RXRA: variants seen among roughly 807,000 people sequenced by gnomAD.
The protein encoded by RXRA is retinoic acid receptor RXR-alpha.
In RXRA, 5 loss-of-function variants were observed where a neutral mutation model predicts 44.5. The ratio of observed to expected loss-of-function variants is 0.11; its 90% confidence interval spans 0.06 to 0.24. The LOEUF (loss-of-function observed/expected upper bound fraction) is 0.24, where lower values mean the gene tolerates loss of function less well. Ranked by LOEUF, RXRA falls within the 10% of genes least tolerant of loss-of-function variation. The pLI is 1.00. For missense variants in RXRA, 412 were observed against 646.5 expected (o/e 0.64, Z 3.93); for synonymous variants, 291 against 271.4 (o/e 1.07, Z -0.71).
chr9:134,375,936 C>T (rs1246551895), intron 1 of RXRA, among the ~76,000 whole-genome samples: 26 of 138,216 alleles, frequency 1.9e-4, no homozygotes, highest in Admixed American at 1.0e-3. Context: ...GCCGGCCGCC[C>T]TCCCTCCCTC....
rs971363596 is a variant in RXRA at position 134,409,184 on chromosome 9, G to C, written c.610+65G>C. 13 of 1,432,236 alleles carry C rather than the reference G, an allele frequency of 9.1e-6. No homozygotes were observed. The Admixed American group carries it at 9.4e-5, about 10-fold the overall frequency. 88.7% of individuals were successfully genotyped at this position (1,432,236 alleles called of 1,614,324 possible). ...GACAAACAGTGGGGCCCGGGCTTGTGCGTGGACACCCGAGATGGACAACAG... is the reference window on the plus strand; with the variant it reads ...GACAAACAGTGGGGCCCGGGCTTGTCCGTGGACACCCGAGATGGACAACAG... On this transcript the variant is annotated intron_variant, in intron 4 of 9. Coordinates refer to ENST00000481739, the MANE Select transcript of RXRA (RefSeq NM_002957.6).
In RXRA at chr9:134,401,413, G is replaced by C. The variant is rs1359697519; in HGVS notation, c.29-219G>C. ...TGCCGCAGGCCCAGCCTAAAGCCGG[G>C]GTCAGGCGCAGAACAGTACCTTGGA... On this transcript the variant is annotated intron_variant, in intron 1 of 9. Coordinates refer to ENST00000481739, the MANE Select transcript of RXRA (RefSeq NM_002957.6). 4.4e-6 allele frequency: 3 copies of C among 686,778 alleles called. No homozygotes were observed. In the African/African-American group the frequency reaches 5.4e-5, roughly 12 times the overall value. The allele number at this position is 686,778 out of a possible 1,614,324, so 42.5% of individuals were successfully genotyped here.
chr9:134,423,067 G>T (rs1831374958), intron 6 of RXRA: 1 of 985,374 alleles, frequency 1.0e-6, no homozygotes, highest in Non-Finnish European at 1.2e-6. Flanking sequence ...GGTCAGGTTG[G>T]CAGTGGAAGC....
At position 134,366,171 on chromosome 9, in the gene RXRA, G is replaced by T. The variant is rs141911572; in HGVS notation, c.29-35461G>T. Among the ~76,000 whole-genome samples the T allele has an allele frequency of 2.0e-5, 3 of 152,118 alleles. No homozygotes were observed. The highest frequency in any genetic ancestry group is 4.4e-5 in the Non-Finnish European group (3 of 68,000). On this transcript the variant is annotated intron_variant, in intron 1 of 9. Transcript: ENST00000481739. The surrounding 1 kb of genome is among the most constrained non-coding windows in gnomAD (Gnocchi z 5.9). ...AGGCACCAGGGCCCCAGTGGGAGGC[G>T]GCAGAGCCTCTGGTGGCTCCGTGTG...
intron 2 of RXRA, chr9:134,403,937 C>G (rs1255701386): frequency 6.6e-6 from 1 of 152,236 alleles, no homozygotes; most frequent in Non-Finnish European, 1.5e-5. Context: ...TGGGTCTCAC[C>G]CGCAGTTAGT....
chr9:134,421,556 T>C, intron 5 of RXRA, 120 bp from the exon 6 acceptor site: 1 of 1,176,424 alleles, frequency 8.5e-7, no homozygotes, highest in South Asian at 1.5e-5. Context: ...TGGGCATCTT[T>C]GGGGGCCGTA....
At chr9:134,389,303 G>A (rs1830766751) in intron 1 of RXRA, among the ~76,000 whole-genome samples, 2 of 152,194 alleles carry the variant, frequency 1.3e-5, no homozygotes, top group Non-Finnish European at 2.9e-5. Context: ...CCCCCGGGGG[G>A]TTGCTCGTGG....
intron 1 of RXRA, among the ~76,000 whole-genome samples, chr9:134,339,141 GC>G (rs1554747745): frequency 6.6e-6 from 1 of 152,240 alleles, no homozygotes; most frequent in East Asian, 1.9e-4. Flanking sequence ...TCAGGGCCCT[GC>G]CTCCCTGTGC....
intron 1 of RXRA, among the ~76,000 whole-genome samples, chr9:134,329,179 G>A (rs1554746362): frequency 6.6e-6 from 1 of 152,226 alleles, no homozygotes; most frequent in East Asian, 1.9e-4. Flanking sequence ...TTGGAGTTGG[G>A]GCACTTGGGG....
intron 1 of RXRA, among the ~76,000 whole-genome samples, chr9:134,359,271 C>T (rs574025788): frequency 7.7e-4 from 117 of 152,234 alleles, no homozygotes; most frequent in African/African-American, 2.6e-3. Flanking sequence ...GGTCCTCAGG[C>T]GTTGGCTGTG....
At chr9:134,424,956 C>G in intron 6 of RXRA, 1 of 985,462 alleles carries the variant, frequency 1.0e-6, no homozygotes, top group Non-Finnish European at 1.2e-6. Flanking sequence ...TGTGCTAGGC[C>G]CTCCCACTGT....
At position 134,380,800 on chromosome 9, in the gene RXRA, T is replaced by A. The variant is rs1355566425; in HGVS notation, c.29-20832T>A. Among the ~76,000 whole-genome samples the A allele has an allele frequency of 2.6e-5, 4 of 152,134 alleles. No homozygotes were observed. In the South Asian group the frequency reaches 6.2e-4, roughly 24 times the overall value. ...GAGGTCTGAGGCCAGAGGAAAGGCC[T>A]CCTCCAGAATCCAGGGCTGCCCGTC... On this transcript the variant is annotated intron_variant, in intron 1 of 9. Coordinates refer to ENST00000481739, the MANE Select transcript of RXRA (RefSeq NM_002957.6).
intron 1 of RXRA, among the ~76,000 whole-genome samples, chr9:134,377,057 A>G (rs1180831166): frequency 6.6e-6 from 1 of 152,118 alleles, no homozygotes; most frequent in Non-Finnish European, 1.5e-5. Context: ...CTGCTGGCCT[A>G]GGGGCCGACC....
In RXRA at chr9:134,364,410, G is replaced by A. The variant is rs551702354; in HGVS notation, c.29-37222G>A. 2.0e-5 allele frequency among the ~76,000 whole-genome samples: 3 copies of A among 152,378 alleles called. No individual in the cohort carries two copies. The South Asian group carries it at 6.2e-4, about 32-fold the overall frequency. On this transcript the variant is annotated intron_variant, in intron 1 of 9. Coordinates refer to ENST00000481739, the MANE Select transcript of RXRA (RefSeq NM_002957.6). The stretch of plus-strand genomic sequence containing the variant: ...ACCCTCAGATGCCGACTCCAGGAAG[G>A]GCCTAGGGTCGGTGTCTTTGGGAAC...
chr9:134,398,098 G>GCCT (rs1216966728), intron 1 of RXRA, among the ~76,000 whole-genome samples: 2 of 152,134 alleles, frequency 1.3e-5, no homozygotes, highest in African/African-American at 4.8e-5. Flanking sequence ...TCCTGTCTCA[G>GCCT]CCTCCCAAGT....
At chr9:134,387,343 C>T (rs570836565) in intron 1 of RXRA, among the ~76,000 whole-genome samples, 2 of 152,372 alleles carry the variant, frequency 1.3e-5, no homozygotes, top group South Asian at 2.1e-4. Context: ...GCGCTCTCGG[C>T]GCCCACGGTA....
chr9:134,346,522 C>T (rs935701744), intron 1 of RXRA, among the ~76,000 whole-genome samples: 58 of 152,282 alleles, frequency 3.8e-4, no homozygotes, highest in Admixed American at 1.3e-3. Context: ...CGTTCCCGGG[C>T]GTGTTGGGGG....
intron 6 of RXRA, chr9:134,422,543 C>T (rs1024340619): frequency 8.2e-7 from 1 of 1,224,046 alleles, no homozygotes; most frequent in East Asian, 5.8e-5. Context: ...GGGACACTCC[C>T]CCCTCCTGGG....
chr9:134,347,429 G>T (rs1268895631), intron 1 of RXRA, among the ~76,000 whole-genome samples: 1 of 152,206 alleles, frequency 6.6e-6, no homozygotes, highest in East Asian at 1.9e-4. Flanking sequence ...TGCCTGGGAG[G>T]CAGACACCGT....
Sources: gnomAD v4.1 joint callset for allele counts (sites outside exome capture counted in the v4.1 genomes callset) on GRCh38, gnomAD v4.1.1 for gene constraint, Gnocchi (gnomAD v3.1) non-coding constraint, MANE v1.5 for transcripts, NCBI Gene and HGNC (gene_info 2026-07-23, HGNC 2026-07-21) for gene names.